The following ASB15 variants were observed in gnomAD, a reference collection of about 807,000 sequenced individuals.
ASB15 encodes ankyrin repeat and SOCS box containing 15.
Under a neutral mutation model 58.0 loss-of-function variants are expected in ASB15, and 54 were observed. The observed-to-expected ratio is 0.93, with a 90% CI of 0.75 to 1.17. ASB15 has a LOEUF of 1.17. ASB15 is among the 50% of genes most tolerant of loss of function. The probability of loss-of-function intolerance (pLI) is 0.00; values close to 1 mark genes in which losing one functional copy is unlikely to be tolerated. For missense variants in ASB15, 680 were observed against 707.4 expected (o/e 0.96, Z 0.44); for synonymous variants, 249 against 262.4 (o/e 0.95, Z 0.50).
chr7:123,617,344 T>C (rs1562930393), intron 6 of ASB15, among the ~76,000 whole-genome samples: 2 of 152,146 alleles, frequency 1.3e-5, no homozygotes. Context: ...GCACATCATT[T>C]TCAAAAAAGC....
chr7:123,631,462 T>G (rs1317461726), intron 11 of ASB15, among the ~76,000 whole-genome samples: 6 of 152,258 alleles, frequency 3.9e-5, no homozygotes, highest in African/African-American at 1.4e-4. Flanking sequence ...TTATCATGCT[T>G]ATTTTTTACA....
intron 7 of ASB15, 105 bp from the exon 8 acceptor site, chr7:123,624,464 T>TA: frequency 9.1e-7 from 1 of 1,103,662 alleles, no homozygotes; most frequent in Non-Finnish European, 1.3e-6. Flanking sequence ...GAAAAAAAGT[T>TA]ACTAGCTAGT....
At chr7:123,593,620 C>T (rs1799609872) in intron 1 of ASB15, among the ~76,000 whole-genome samples, 1 of 152,128 alleles carries the variant, frequency 6.6e-6, no homozygotes, top group African/African-American at 2.4e-5. Context: ...TCTCTTCTGG[C>T]TTGTAGGGTT....
At chr7:123,594,043 G>A (rs926040052) in intron 1 of ASB15, among the ~76,000 whole-genome samples, 6 of 151,670 alleles carry the variant, frequency 4.0e-5, no homozygotes, top group African/African-American at 1.2e-4. Flanking sequence ...CATCAATCAC[G>A]ATATCCCTTC....
At chr7:123,579,159 T>G (rs805782) in intron 1 of ASB15, among the ~76,000 whole-genome samples, 34,977 of 152,006 alleles carry the variant, frequency 0.23, 4,164 homozygotes, top group East Asian at 0.41. Context: ...GTACTTGATT[T>G]TATGTTTCTG....
At chr7:123,631,372 T>G (rs1017449828) in intron 11 of ASB15, among the ~76,000 whole-genome samples, 6 of 152,226 alleles carry the variant, frequency 3.9e-5, no homozygotes, top group African/African-American at 1.2e-4. Context: ...ATTAACATTT[T>G]TATGTTTTTA....
At chr7:123,618,062 T>A (rs1268011525) in intron 7 of ASB15, among the ~76,000 whole-genome samples, 1 of 152,186 alleles carries the variant, frequency 6.6e-6, no homozygotes, top group African/African-American at 2.4e-5. Context: ...GGGTTGCATG[T>A]GCCATATGTA....
At chr7:123,596,900 G>A (rs1190861295), upstream of ASB15, among the ~76,000 whole-genome samples, 1 of 152,104 alleles carries the variant, frequency 6.6e-6, no homozygotes, top group African/African-American at 2.4e-5. Flanking sequence ...TGCCAATATA[G>A]AGCTTTATTT....
In ASB15 at chr7:123,608,650, T is replaced by C. The variant is rs1180985244; in HGVS notation, c.-7T>C. On this transcript the variant is annotated 5_prime_UTR_variant, in exon 3 of 12. Coordinates refer to ENST00000451215, the MANE Select transcript of ASB15 (RefSeq NM_001290258.2). ...TAAAGAAGGAATCGCTGTAACTTAT[T>C]GCTTGTAAGTAAAATTACCTGTGAC... 6.6e-6 allele frequency: 1 copy of C among 152,210 alleles called. No individual in the cohort carries two copies. Among genetic ancestry groups the C allele is most frequent in the Non-Finnish European group, 1.5e-5 (1 of 68,034 alleles). The allele number at this position is 152,210 out of a possible 1,614,324, so 9.4% of individuals were successfully genotyped here.
intron 7 of ASB15, among the ~76,000 whole-genome samples, chr7:123,618,622 G>A (rs931693775): frequency 1.3e-5 from 2 of 152,074 alleles, no homozygotes; most frequent in South Asian, 2.1e-4. Flanking sequence ...GACGGAAGAG[G>A]AGCAGGAGCA....
At chr7:123,620,787 C>T (rs1801271837) in intron 7 of ASB15, among the ~76,000 whole-genome samples, 1 of 151,020 alleles carries the variant, frequency 6.6e-6, no homozygotes, top group Non-Finnish European at 1.5e-5. Flanking sequence ...TGGTCTCGGT[C>T]TCCTGACCTC....
chr7:123,605,282 C>T (rs938281947), intron 2 of ASB15, among the ~76,000 whole-genome samples: 14 of 152,122 alleles, frequency 9.2e-5, no homozygotes, highest in Admixed American at 2.6e-4. Flanking sequence ...AAATCAAAAC[C>T]ACAATGAGAT....
chr7:123,577,790 G>T (rs1799105976), intron 1 of ASB15, among the ~76,000 whole-genome samples: 1 of 152,024 alleles, frequency 6.6e-6, no homozygotes, highest in Admixed American at 6.6e-5. Flanking sequence ...TATCCCCAGG[G>T]TTGCAAGGAC....
Position 123,569,522 on chromosome 7 carries a change from A to G in ASB15, c.-443+2434A>G, listed in dbSNP as rs935734782. Among the ~76,000 whole-genome samples, 3 of 152,218 alleles carry G rather than the reference A, an allele frequency of 2.0e-5. 1 individual carries two copies. ...ATTTTTAATAGTTAGAGGATGTATG[A>G]GATTGACTTAAGAGACCATAAAATC... On this transcript the variant is annotated intron_variant, in intron 1 of 13. Transcript: ENST00000451558.
chr7:123,623,933 A>AGGT (rs1801547416), intron 7 of ASB15, among the ~76,000 whole-genome samples: 1 of 4,564 alleles, frequency 2.2e-4, no homozygotes, highest in Non-Finnish European at 4.9e-4. Context: ...AAAGAAAGAA[A>AGGT]AGAAAGAAAG....
intron 1 of ASB15, among the ~76,000 whole-genome samples, chr7:123,575,930 C>G (rs1327314992): frequency 6.6e-6 from 1 of 150,556 alleles, no homozygotes; most frequent in Middle Eastern, 3.2e-3. Context: ...AGATTTAAAC[C>G]TTCTTTTATT....
upstream of ASB15, among the ~76,000 whole-genome samples, chr7:123,599,831 A>T (rs372002598): frequency 1.3e-5 from 2 of 152,194 alleles, no homozygotes; most frequent in African/African-American, 2.4e-5. Context: ...TTGGAACAAC[A>T]GTAGTATTCA....
chr7:123,619,638 C>A (rs1801102104), intron 7 of ASB15, among the ~76,000 whole-genome samples: 1 of 152,154 alleles, frequency 6.6e-6, no homozygotes, highest in Admixed American at 6.5e-5. Context: ...ATTCTGCTGC[C>A]TCAGCCTCCC....
At chr7:123,608,859 T>C (rs1163621357) in intron 3 of ASB15, among the ~76,000 whole-genome samples, 1 of 152,100 alleles carries the variant, frequency 6.6e-6, no homozygotes, top group Non-Finnish European at 1.5e-5. Context: ...CAGAATTGTA[T>C]TTATATTGAT....
Sources: gnomAD v4.1 joint callset for allele counts (sites outside exome capture counted in the v4.1 genomes callset) on GRCh38, gnomAD v4.1.1 for gene constraint, MANE v1.5 for transcripts, NCBI Gene and HGNC (gene_info 2026-07-23, HGNC 2026-07-21) for gene names.